Variants in TMEM131L observed in about 807,000 individuals in gnomAD.
TMEM131L encodes transmembrane protein 131-like.
Under a neutral mutation model 192.2 loss-of-function variants are expected in TMEM131L, and 54 were observed. The ratio of observed to expected loss-of-function variants is 0.28; its 90% CI spans 0.23 to 0.35. The LOEUF is 0.35. Among genes scored for constraint, TMEM131L ranks in the 10% least tolerant of loss-of-function variants. TMEM131L has a pLI of 1.00. For synonymous variants in TMEM131L, 701 were observed against 704.9 expected (o/e 0.99, Z 0.09); for missense variants, 1,888 against 1,972.9 (o/e 0.96, Z 0.82).
intron 7 of TMEM131L, among the ~76,000 whole-genome samples, chr4:153,569,264 A>C (rs906911387): frequency 1.3e-5 from 2 of 152,010 alleles, no homozygotes; most frequent in African/African-American, 4.8e-5. Flanking sequence ...CTGTGCTTTC[A>C]CCTTCTTGGA....
At chr4:153,543,454 G>A (rs1317074697) in intron 3 of TMEM131L, among the ~76,000 whole-genome samples, 1 of 152,156 alleles carries the variant, frequency 6.6e-6, no homozygotes, top group Non-Finnish European at 1.5e-5. Context: ...GTGCAGCTTA[G>A]GCCATTTGTT....
At chr4:153,491,128 C>G (rs1732751650) in intron 3 of TMEM131L, among the ~76,000 whole-genome samples, 1 of 152,212 alleles carries the variant, frequency 6.6e-6, no homozygotes, top group Non-Finnish European at 1.5e-5. Context: ...TGATCTCTTG[C>G]TGAGTTTAAG....
Position 153,476,833 on chromosome 4 carries a change from A to G in TMEM131L, c.239+2945A>G. ...TGTATTTAAAAAAATGGATAATGGTAGATATCATTTCAGTGGTATTTAGAT... is the reference window on the plus strand; with the variant it reads ...TGTATTTAAAAAAATGGATAATGGTGGATATCATTTCAGTGGTATTTAGAT... On this transcript the variant is annotated intron_variant, in intron 3 of 34. Transcript: ENST00000409959. Among the ~76,000 whole-genome samples, 2 of 152,252 alleles carry G rather than the reference A, an allele frequency of 1.3e-5. 1 individual carries two copies. The highest frequency in any genetic ancestry group is 2.9e-5 in the Non-Finnish European group (2 of 68,050).
intron 3 of TMEM131L, among the ~76,000 whole-genome samples, chr4:153,545,283 T>A (rs377153940): frequency 3.2e-4 from 45 of 140,500 alleles, no homozygotes; most frequent in African/African-American, 1.2e-3. Flanking sequence ...TCAGCCACTT[T>A]TTCAAACTTT....
At chr4:153,622,806 C>T in intron 28 of TMEM131L, 92 bp from the exon 29 acceptor site, 1 of 1,258,454 alleles carries the variant, frequency 7.9e-7, no homozygotes, top group East Asian at 2.3e-5. Context: ...GTGAACCTGG[C>T]CCTACTCCTC....
chr4:153,619,170 G>A (rs1733210611), intron 26 of TMEM131L, among the ~76,000 whole-genome samples: 1 of 152,116 alleles, frequency 6.6e-6, no homozygotes, highest in Non-Finnish European at 1.5e-5. Context: ...CTGCTTACCA[G>A]CTCACGCTTT....
intron 3 of TMEM131L, among the ~76,000 whole-genome samples, chr4:153,541,486 G>A (rs958108967): frequency 1.3e-5 from 2 of 152,184 alleles, no homozygotes; most frequent in African/African-American, 2.4e-5. Flanking sequence ...ACTCACTGGC[G>A]TGGGAATATA....
intron 25 of TMEM131L, among the ~76,000 whole-genome samples, chr4:153,607,424 A>T (rs917069420): frequency 6.6e-6 from 1 of 152,136 alleles, no homozygotes; most frequent in Non-Finnish European, 1.5e-5. Context: ...TTTGAGCTGG[A>T]CTCAACCTGC....
intron 2 of TMEM131L, among the ~76,000 whole-genome samples, chr4:153,468,893 T>C (rs1055172555): frequency 6.6e-6 from 1 of 152,222 alleles, no homozygotes; most frequent in African/African-American, 2.4e-5. Context: ...TTCTATCTCT[T>C]ACTGGCTAGT....
In TMEM131L at chr4:153,581,576, T is replaced by A; in HGVS notation, c.892+16T>A. On this transcript the variant is annotated intron_variant, in intron 9 of 34. Coordinates refer to ENST00000409959, the MANE Select transcript of TMEM131L (RefSeq NM_001131007.2). ...GAGACCTCAGGTAAGGTGGAATGTTTAAAAATTTTATTATATTTTCATCAG... is the reference window on the plus strand; with the variant it reads ...GAGACCTCAGGTAAGGTGGAATGTTAAAAAATTTTATTATATTTTCATCAG... 1 of 1,499,990 alleles carries A rather than the reference T, an allele frequency of 6.7e-7. No individual in the cohort carries two copies. The allele number at this position is 1,499,990 out of a possible 1,614,324, so 92.9% of individuals were successfully genotyped here. A position where few individuals can be genotyped will look rare whatever the true frequency, so the allele number is the denominator to read the frequency against.
intron 3 of TMEM131L, among the ~76,000 whole-genome samples, chr4:153,535,849 T>A (rs79403652): frequency 0.046 from 6,981 of 152,174 alleles, 346 homozygotes; most frequent in East Asian, 0.23. Context: ...CTTTGTATAT[T>A]TTTTTTAGTT....
At chr4:153,546,569 T>C (rs1302520055) in intron 3 of TMEM131L, among the ~76,000 whole-genome samples, 1 of 152,234 alleles carries the variant, frequency 6.6e-6, no homozygotes, top group Non-Finnish European at 1.5e-5. Flanking sequence ...TTGAGGATAA[T>C]TGTTCATGTC....
At chr4:153,634,447 A>G in intron 33 of TMEM131L, 167 bp downstream of exon 33, 1 of 559,260 alleles carries the variant, frequency 1.8e-6, no homozygotes, top group South Asian at 2.3e-5. Flanking sequence ...CACTGATGCC[A>G]TATATAATTT....
chr4:153,554,745 T>C (rs1162647251), intron 4 of TMEM131L, among the ~76,000 whole-genome samples: 1 of 152,212 alleles, frequency 6.6e-6, no homozygotes, highest in Non-Finnish European at 1.5e-5. Context: ...AAGAAATGAC[T>C]TTAGTGAAAT....
intron 3 of TMEM131L, among the ~76,000 whole-genome samples, chr4:153,537,833 C>T (rs1005424259): frequency 5.9e-5 from 9 of 152,216 alleles, no homozygotes; most frequent in South Asian, 2.1e-4. Flanking sequence ...TCAAAAGCCT[C>T]TGACAAACCT....
chr4:153,574,509 T>C (rs1729803622), intron 7 of TMEM131L, among the ~76,000 whole-genome samples: 1 of 152,210 alleles, frequency 6.6e-6, no homozygotes. Flanking sequence ...TCATTTGCCA[T>C]GTGCATAATA....
chr4:153,592,438 C>T (rs1379135310), intron 17 of TMEM131L, 37 bp from the exon 18 acceptor site: 2 of 1,386,786 alleles, frequency 1.4e-6, no homozygotes, highest in Non-Finnish European at 1.0e-6. Context: ...ATGCTGTGTC[C>T]CTCTCGGGGT....
intron 3 of TMEM131L, among the ~76,000 whole-genome samples, chr4:153,483,477 G>T (rs1393104657): frequency 6.6e-6 from 1 of 152,124 alleles, no homozygotes; most frequent in Non-Finnish European, 1.5e-5. Context: ...GGGAGGATCG[G>T]CTTGAGCTCA....
rs573232586 is a variant in TMEM131L at position 153,495,611 on chromosome 4, G to A, written c.239+21723G>A. Among the ~76,000 whole-genome samples the A allele has an allele frequency of 5.3e-5, 8 of 152,250 alleles. No homozygotes were observed. The South Asian group carries it at 1.7e-3, about 32-fold the overall frequency. The stretch of plus-strand genomic sequence containing the variant: ...ATTTTTACATAAACAATAGGTCAGA[G>A]GAAGCAATCAAATATGCATTTTTTT... On this transcript the variant is annotated intron_variant, in intron 3 of 34. Transcript: ENST00000409959.
Sources: gnomAD v4.1 joint callset for allele counts (sites outside exome capture counted in the v4.1 genomes callset) on GRCh38, gnomAD v4.1.1 for gene constraint, MANE v1.5 for transcripts, NCBI Gene and HGNC (gene_info 2026-07-23, HGNC 2026-07-21) for gene names.